Variants in SEC14L5 observed in about 807,000 individuals in gnomAD.
SEC14L5 encodes SEC14-like protein 5.
In SEC14L5, 96 loss-of-function variants were observed where a neutral mutation model predicts 84.6. The ratio of observed to expected loss-of-function variants is 1.13; its 90% CI spans 0.96 to 1.34. The LOEUF (loss-of-function observed/expected upper bound fraction) is 1.34. Among genes scored for constraint, SEC14L5 ranks in the 40% most tolerant of loss-of-function variants. The pLI is 0.00. For synonymous variants in SEC14L5, 546 were observed against 383.4 expected, an observed-to-expected ratio of 1.42 and a Z score of -4.95; for missense variants, 1,224 against 942.5, an observed-to-expected ratio of 1.30 and a Z score of -3.91.
chr16:5,004,469 G>T (rs1470239887), intron 11 of SEC14L5, among the ~76,000 whole-genome samples: 1 of 152,150 alleles, frequency 6.6e-6, no homozygotes, highest in Non-Finnish European at 1.5e-5. Context: ...GGGGCTCCTT[G>T]CAGAGGTGTG....
At chr16:5,000,804 T>C in intron 9 of SEC14L5, 51 bp from the exon 10 acceptor site, 2 of 1,568,094 alleles carry the variant, frequency 1.3e-6, no homozygotes, top group African/African-American at 2.7e-5. Flanking sequence ...AAGGACTGTG[T>C]GGGGTAAAGC....
intron 14 of SEC14L5, among the ~76,000 whole-genome samples, chr16:5,010,537 G>T (rs1457167842): frequency 1.3e-5 from 2 of 152,128 alleles, no homozygotes; most frequent in African/African-American, 4.8e-5. Context: ...CACGAGCACT[G>T]GCAGTTGCTG....
At chr16:4,981,586 C>T (rs185373246) in intron 2 of SEC14L5, among the ~76,000 whole-genome samples, 78 of 152,146 alleles carry the variant, frequency 5.1e-4, no homozygotes, top group African/African-American at 1.8e-3. Flanking sequence ...CCGCTTGGCC[C>T]GGGGGGACAG....
In SEC14L5 at chr16:5,002,338, C is replaced by A. The variant is rs141871040; in HGVS notation, c.1131-1064C>A. On this transcript the variant is annotated intron_variant, in intron 10 of 15. Transcript: ENST00000251170. Reference sequence around the variant, plus strand: ...TTTTGACAGAGTCTCGTTCTGTCGCCCAGGCTGGAGTACAGTGGTGCAATC... The same window carrying A: ...TTTTGACAGAGTCTCGTTCTGTCGCACAGGCTGGAGTACAGTGGTGCAATC... Among the ~76,000 whole-genome samples, 385 of 148,218 alleles carry A rather than the reference C, an allele frequency of 2.6e-3. 4 individuals are homozygous for A. In the East Asian group the frequency reaches 0.03, roughly 12 times the overall value.
chr16:4,981,977 G>T (rs1955429419), intron 2 of SEC14L5, among the ~76,000 whole-genome samples: 1 of 152,154 alleles, frequency 6.6e-6, no homozygotes, highest in Admixed American at 6.5e-5. Flanking sequence ...CAGTTCTCAG[G>T]GGGTCTCCTT....
rs748149560 is a variant in SEC14L5 at position 4,991,937 on chromosome 16, C to T, written c.574C>T (p.Arg192Cys). ...TGCCCCAGTCCGTGAGGAGGATGCCCGCAACCAGGCTGGACCGAGGGACCC... is the reference window on the plus strand; with the variant it reads ...TGCCCCAGTCCGTGAGGAGGATGCCTGCAACCAGGCTGGACCGAGGGACCC... Reference protein sequence around the residue: ...TPAPVREEDARNQAGPRDPSS... With the variant: ...TPAPVREEDACNQAGPRDPSS... Residue 192 changes from arginine (R) to cysteine (C), a missense_variant, in exon 6 of 16, where the codon CGC becomes TGC. Physicochemically the swap from Arg to Cys is radical, Grantham distance 180 (BLOSUM62 -3). Transcript: ENST00000251170. The T allele has an allele frequency of 2.0e-5, 32 of 1,602,754 alleles. No homozygotes were observed. The highest frequency in any genetic ancestry group is 3.4e-5 in the Admixed American group (2 of 59,310).
rs142013906 is a variant in SEC14L5 at position 4,997,172 on chromosome 16, C to G, written c.970+128C>G. 233 of 618,616 alleles carry G rather than the reference C, an allele frequency of 3.8e-4. 1 individual carries two copies. In the African/African-American group the frequency reaches 4.1e-3, roughly 11 times the overall value. 38.3% of individuals were successfully genotyped at this position (618,616 alleles called of 1,614,324 possible). A position where few individuals can be genotyped will look rare whatever the true frequency, so the allele number is the denominator to read the frequency against. On this transcript the variant is annotated intron_variant, in intron 8 of 15. Transcript: ENST00000251170. ...GGAGTGCAGTGGTGCCATCTCGGCT[C>G]ACCATAATCTCCGCTTCCCGGGTTC...
chr16:5,012,347 G>C (rs549444910), intron 15 of SEC14L5, among the ~76,000 whole-genome samples: 3 of 152,156 alleles, frequency 2.0e-5, no homozygotes, highest in Non-Finnish European at 2.9e-5. Flanking sequence ...TGGGCCAGAC[G>C]CTGCACACCA....
intron 10 of SEC14L5, among the ~76,000 whole-genome samples, chr16:5,001,502 G>A (rs977677243): frequency 2.0e-5 from 3 of 152,010 alleles, no homozygotes; most frequent in African/African-American, 4.8e-5. Flanking sequence ...CTCGTGATCC[G>A]CCTGCCTCGG....
intron 2 of SEC14L5, among the ~76,000 whole-genome samples, chr16:4,986,094 A>C (rs146256520): frequency 6.6e-6 from 1 of 150,932 alleles, no homozygotes; most frequent in South Asian, 2.1e-4. Context: ...GGGGGTTTCA[A>C]TTTCTCCACA....
At chr16:4,969,239 G>A (rs1346667876) in intron 2 of SEC14L5, among the ~76,000 whole-genome samples, 1 of 152,190 alleles carries the variant, frequency 6.6e-6, no homozygotes, top group Non-Finnish European at 1.5e-5. Context: ...ATTCATTTCT[G>A]TGTGCATTTA....
intron 6 of SEC14L5, among the ~76,000 whole-genome samples, chr16:4,995,443 G>A (rs570790782): frequency 2.0e-5 from 3 of 152,302 alleles, no homozygotes; most frequent in East Asian, 1.9e-4. Flanking sequence ...TGTGTTGCAA[G>A]GTCCAGGCTC....
rs1567133253 is a variant in SEC14L5, at chr16:5,016,525, C to T, written c.*1555C>T. 6.6e-6 allele frequency: 1 copy of T among 152,240 alleles called. No homozygotes were observed. The highest frequency in any genetic ancestry group is 2.4e-5 in the African/African-American group (1 of 41,458). The allele number at this position is 152,240 out of a possible 1,614,324, so 9.4% of individuals were successfully genotyped here. A position where few individuals can be genotyped will look rare whatever the true frequency, so the allele number is the denominator to read the frequency against. ...GCCACGCCAGTCCCTACCCCATTGA[C>T]TTGCGCCCAGCCCACATTACACATC... On this transcript the variant is annotated 3_prime_UTR_variant, in exon 16 of 16. Coordinates refer to ENST00000251170, the MANE Select transcript of SEC14L5 (RefSeq NM_014692.2).
intron 2 of SEC14L5, among the ~76,000 whole-genome samples, chr16:4,983,664 G>A (rs1238286689): frequency 1.3e-5 from 2 of 151,676 alleles, no homozygotes; most frequent in Non-Finnish European, 2.9e-5. Context: ...ATCACCCGAA[G>A]TCAGGAGTTC....
chr16:5,018,135 A>G lies in SEC14L5; in HGVS notation c.*3165A>G, dbSNP rs1955895188. 6.6e-6 allele frequency: 1 copy of G among 152,250 alleles called. No individual in the cohort carries two copies. The highest frequency in any genetic ancestry group is 1.5e-5 in the Non-Finnish European group (1 of 68,078). The allele number at this position is 152,250 out of a possible 1,614,324, so 9.4% of individuals were successfully genotyped here. A position where few individuals can be genotyped will look rare whatever the true frequency, so the allele number is the denominator to read the frequency against. On this transcript the variant is annotated 3_prime_UTR_variant, in exon 16 of 16. Transcript: ENST00000251170. ...AGTGAGGATAGCAGTGCCTACCTCAATAGGTTGTAGTGGGACGAAATGAGG... is the reference window on the plus strand; with the variant it reads ...AGTGAGGATAGCAGTGCCTACCTCAGTAGGTTGTAGTGGGACGAAATGAGG...
At chr16:4,978,802 C>A (rs184643328) in intron 2 of SEC14L5, among the ~76,000 whole-genome samples, 1 of 152,102 alleles carries the variant, frequency 6.6e-6, no homozygotes, top group Admixed American at 6.5e-5. Context: ...CGGGTTTCAC[C>A]GCGTTAGCCA....
intron 2 of SEC14L5, among the ~76,000 whole-genome samples, chr16:4,982,928 A>T (rs1955441508): frequency 2.0e-5 from 3 of 152,126 alleles, no homozygotes; most frequent in Admixed American, 1.3e-4. Context: ...TTACATGAAC[A>T]TATACAAAAA....
At chr16:5,011,412 C>A in intron 15 of SEC14L5, 139 bp downstream of exon 15, 1 of 783,130 alleles carries the variant, frequency 1.3e-6, no homozygotes, top group Non-Finnish European at 2.0e-6. Context: ...TTGGAGTTCT[C>A]AGGTGACACA....
Position 4,999,378 on chromosome 16 carries a change from G to T in SEC14L5, c.971-1277G>T, listed in dbSNP as rs1264394886. Among the ~76,000 whole-genome samples, 5 of 152,188 alleles carry T rather than the reference G, an allele frequency of 3.3e-5. No homozygotes were observed. The East Asian group carries it at 9.6e-4, about 29-fold the overall frequency. ...AGAGCTCTCTGGGAAGCCAAAGCTG[G>T]AGGATCGCTTAAGCCCAGGAGTTCG... is the stretch of plus-strand genomic sequence containing the variant. On this transcript the variant is annotated intron_variant, in intron 8 of 15. Coordinates refer to ENST00000251170, the MANE Select transcript of SEC14L5 (RefSeq NM_014692.2).
Sources: allele counts gnomAD v4.1 joint callset (sites outside exome capture counted in the v4.1 genomes callset), GRCh38; gene constraint gnomAD v4.1.1; transcripts MANE v1.5; gene names NCBI Gene and HGNC (gene_info 2026-07-23, HGNC 2026-07-21).